Variants in CSMD3 observed in about 807,000 individuals in gnomAD.
The protein encoded by CSMD3 is CUB and Sushi multiple domains 3.
Under a neutral mutation model 435.2 loss-of-function variants are expected in CSMD3, and 177 were observed. The observed-to-expected ratio is 0.41, with a 90% CI of 0.36 to 0.46. The LOEUF (loss-of-function observed/expected upper bound fraction) is 0.46, where lower values mean the gene tolerates loss of function less well. Ranked by LOEUF, CSMD3 falls within the 20% of genes least tolerant of loss-of-function variation. CSMD3 has a pLI of 0.34. For synonymous variants in CSMD3, 1,656 were observed against 1,520.5 expected (o/e 1.09, Z -2.07); for missense variants, 4,265 against 4,504.6 (o/e 0.95, Z 1.52).
At chr8:112,518,359 T>A (rs1217836666) in intron 27 of CSMD3, among the ~76,000 whole-genome samples, 3 of 151,252 alleles carry the variant, frequency 2.0e-5, no homozygotes, top group African/African-American at 7.3e-5. Context: ...AAAAAAAAAA[T>A]TAGCCCAGCA....
chr8:112,627,581 T>A (rs1007150826), intron 22 of CSMD3, among the ~76,000 whole-genome samples: 9 of 152,214 alleles, frequency 5.9e-5, no homozygotes, highest in African/African-American at 2.2e-4. Flanking sequence ...CAGTCAAATT[T>A]TGGCTTGTAA....
intron 1 of CSMD3, among the ~76,000 whole-genome samples, chr8:113,397,230 C>T (rs1042535031): frequency 2.0e-5 from 3 of 151,948 alleles, no homozygotes; most frequent in African/African-American, 7.3e-5. Context: ...AAGGTATCTC[C>T]ATCTTTAAAT....
intron 3 of CSMD3, among the ~76,000 whole-genome samples, chr8:113,237,115 A>T (rs2093159688): frequency 6.6e-6 from 1 of 152,168 alleles, no homozygotes; most frequent in Admixed American, 6.5e-5. Context: ...TTATTCCCTC[A>T]TCCCTTTTGT....
intron 5 of CSMD3, among the ~76,000 whole-genome samples, chr8:113,080,408 T>G (rs2089513022): frequency 6.6e-6 from 1 of 152,128 alleles, no homozygotes; most frequent in Admixed American, 6.5e-5. Context: ...TCATAAATAT[T>G]CATTATGAGC....
At chr8:112,328,724 G>A (rs2130912512) in intron 45 of CSMD3, among the ~76,000 whole-genome samples, 2 of 152,184 alleles carry the variant, frequency 1.3e-5, no homozygotes, top group Middle Eastern at 6.8e-3. Context: ...CTGTTCTCAT[G>A]AGAGTGAGTG....
chr8:112,405,601 A>G (rs1447227878), intron 35 of CSMD3, among the ~76,000 whole-genome samples: 1 of 151,796 alleles, frequency 6.6e-6, no homozygotes, highest in African/African-American at 2.4e-5. Flanking sequence ...CTATTGCAAA[A>G]ACAACTTCGA....
chr8:113,193,936 G>C (rs1017319179), intron 3 of CSMD3, among the ~76,000 whole-genome samples: 12 of 151,458 alleles, frequency 7.9e-5, no homozygotes, highest in Non-Finnish European at 1.5e-4. Flanking sequence ...CTGCAAATAA[G>C]ACTCATTTTT....
At chr8:113,263,968 A>G (rs1287254375) in intron 3 of CSMD3, among the ~76,000 whole-genome samples, 2 of 151,608 alleles carry the variant, frequency 1.3e-5, no homozygotes, top group Non-Finnish European at 3.0e-5. Flanking sequence ...ATTGAGACTT[A>G]TTATTGCTAT....
At chr8:112,288,755 T>G (rs189075509) in intron 57 of CSMD3, among the ~76,000 whole-genome samples, 183 of 150,934 alleles carry the variant, frequency 1.2e-3, no homozygotes, top group Admixed American at 3.6e-3. Context: ...ATTTACCAAA[T>G]ACTTACTCTG....
intron 44 of CSMD3, 23 bp from the exon 45 acceptor site, chr8:112,335,497 G>A (rs1029257481): frequency 6.8e-6 from 11 of 1,610,948 alleles, no homozygotes; most frequent in African/African-American, 4.0e-5. Flanking sequence ...GATTGGGAAA[G>A]GAGGAGAGAT....
chr8:112,258,645 G>A (rs186231914), intron 61 of CSMD3, among the ~76,000 whole-genome samples: 17 of 152,330 alleles, frequency 1.1e-4, no homozygotes, highest in Admixed American at 9.8e-4. Flanking sequence ...CGGAGAGGAT[G>A]TGGAGAAATA....
chr8:113,159,388 T>C (rs2091995239), intron 4 of CSMD3, among the ~76,000 whole-genome samples: 1 of 151,972 alleles, frequency 6.6e-6, no homozygotes, highest in Non-Finnish European at 1.5e-5. Flanking sequence ...TCTTAAAAAG[T>C]AGTGCCTGAT....
chr8:112,760,758 T>C (rs1263642502), intron 13 of CSMD3, among the ~76,000 whole-genome samples: 1 of 152,118 alleles, frequency 6.6e-6, no homozygotes, highest in Non-Finnish European at 1.5e-5. Flanking sequence ...CCAGCACCAA[T>C]CTTCATCTTG....
intron 6 of CSMD3, among the ~76,000 whole-genome samples, chr8:113,012,131 T>C (rs1249167622): frequency 6.6e-6 from 1 of 151,890 alleles, no homozygotes; most frequent in Non-Finnish European, 1.5e-5. Context: ...CTCAAAATTC[T>C]GTTCTCTTAA....
At position 113,311,172 on chromosome 8, in the gene CSMD3, T is replaced by C. The variant is rs576626378; in HGVS notation, c.401+3399A>G. On this transcript the variant is annotated intron_variant, in intron 2 of 70. Transcript: ENST00000297405. ...AAAATAAACAAGGCTTAGAATAACCTTTATGCTTCCAGCAATGTTGCCTTA... is the reference window on the plus strand; with the variant it reads ...AAAATAAACAAGGCTTAGAATAACCCTTATGCTTCCAGCAATGTTGCCTTA... 10 of 152,212 alleles carry C rather than the reference T, an allele frequency of 6.6e-5. No homozygotes were observed. The East Asian group carries it at 1.7e-3, about 26-fold the overall frequency. 9.4% of individuals were successfully genotyped at this position (152,212 alleles called of 1,614,324 possible). A position where few individuals can be genotyped will look rare whatever the true frequency, so the allele number is the denominator to read the frequency against.
At chr8:113,340,550 C>T (rs1350184851) in intron 1 of CSMD3, among the ~76,000 whole-genome samples, 1 of 152,036 alleles carries the variant, frequency 6.6e-6, no homozygotes, top group Non-Finnish European at 1.5e-5. Flanking sequence ...AGAAAAATCA[C>T]AATTTTCTAT....
chr8:112,999,584 T>C (rs2131062205), intron 6 of CSMD3, among the ~76,000 whole-genome samples: 1 of 151,838 alleles, frequency 6.6e-6, no homozygotes, highest in South Asian at 2.1e-4. Flanking sequence ...TAAATATCAC[T>C]TGGTTGTTTA....
intron 22 of CSMD3, among the ~76,000 whole-genome samples, chr8:112,629,296 G>T (rs1346650120): frequency 2.0e-5 from 3 of 151,946 alleles, no homozygotes; most frequent in Admixed American, 6.6e-5. Context: ...TGAACTCCTG[G>T]GCTCAGGCAA....
intron 1 of CSMD3, among the ~76,000 whole-genome samples, chr8:113,434,270 C>T (rs79855638): frequency 2.6e-5 from 4 of 152,164 alleles, no homozygotes; most frequent in African/African-American, 9.7e-5. Context: ...TTAGAACCTG[C>T]AAAATCCTTA....
Sources: gnomAD v4.1 joint callset for allele counts (sites outside exome capture counted in the v4.1 genomes callset) on GRCh38, gnomAD v4.1.1 for gene constraint, MANE v1.5 for transcripts, NCBI Gene and HGNC (gene_info 2026-07-23, HGNC 2026-07-21) for gene names.